OR6Y1: variants seen among roughly 807,000 people sequenced by gnomAD.
OR6Y1 encodes the protein olfactory receptor 6Y1.
Under a neutral mutation model 0.4 loss-of-function variants are expected in OR6Y1, and 1 was observed. The ratio of observed to expected loss-of-function variants is 2.74; its 90% confidence interval spans 0.97 to 13.02. OR6Y1 has a LOEUF of 13.02. Ranked by LOEUF, OR6Y1 falls within the 30% of genes most tolerant of loss-of-function variation. The probability of loss-of-function intolerance (pLI) is 0.12; values close to 1 mark genes in which losing one functional copy is unlikely to be tolerated. For synonymous variants in OR6Y1, 173 were observed against 141.1 expected (o/e 1.23, Z -1.60); for missense variants, 480 against 399.8 (o/e 1.20, Z -1.71).
chr1:158,545,036 C>T lies in OR6Y1; in HGVS notation c.*2092G>A, dbSNP rs1647478981. 1 of 151,794 alleles carries T rather than the reference C, an allele frequency of 6.6e-6. No homozygotes were observed. The highest frequency in any genetic ancestry group is 2.4e-5 in the African/African-American group (1 of 41,330). 9.4% of individuals were successfully genotyped at this position (151,794 alleles called of 1,614,324 possible). A position where few individuals can be genotyped will look rare whatever the true frequency, so the allele number is the denominator to read the frequency against. On this transcript the variant is annotated 3_prime_UTR_variant, in exon 2 of 2. Transcript: ENST00000641622. ...CTTTATAGTAGAATGATTTATATTC[C>T]TTTAGGTATATACCCAGTAATGGGA... is the stretch of plus-strand genomic sequence containing the variant.
rs753729039 is a variant in OR6Y1, at chr1:158,547,777, A to G, written c.329T>C (p.Val110Ala). 8 of 1,613,538 alleles carry G rather than the reference A, an allele frequency of 5.0e-6. No homozygotes were observed. Among genetic ancestry groups the G allele is most frequent in the East Asian group, 2.2e-5 (1 of 44,872 alleles). Residue 110 changes from valine (V) to alanine (A), a missense_variant, in exon 2 of 2, where the codon GTG becomes GCG. Physicochemically the swap from Val to Ala is moderately conservative, Grantham distance 64 (BLOSUM62 0). Transcript: ENST00000641622. Reference sequence around the variant, plus strand: ...GATGTACTCAGTGCAGACAAAGGTCACAAAAAAGTAAAGTTGAGTCATGCA... The same window carrying G: ...GATGTACTCAGTGCAGACAAAGGTCGCAAAAAAGTAAAGTTGAGTCATGCA... Reference protein sequence around the residue: ...NGCMTQLYFFVTFVCTEYILL... With the variant: ...NGCMTQLYFFATFVCTEYILL...
rs149812123 is a variant in OR6Y1 at position 158,547,625 on chromosome 1, C to A, written c.481G>T (p.Ala161Ser). The change falls in exon 2 of 2, where the codon GCC (alanine) becomes TCC (serine). Residue 161 changes from alanine to serine, a missense_variant. Physicochemically the swap from Ala to Ser is moderately conservative, Grantham distance 99. Transcript: ENST00000641622. The part of the protein sequence containing the change: ...GGCWFCGLMT[A>S]MIKMVFIAQL... ...GCTATAAAAACCATCTTAATCATGG[C>A]AGTCATGAGTCCACAGAACCAGCAT... 435 of 1,613,172 alleles carry A rather than the reference C, an allele frequency of 2.7e-4. No individual in the cohort carries two copies. Among genetic ancestry groups the A allele is most frequent in the Non-Finnish European group, 3.5e-4 (412 of 1,179,908 alleles).
chr1:158,551,992 T>C (rs529588373), intron 1 of OR6Y1, among the ~76,000 whole-genome samples: 54 of 152,190 alleles, frequency 3.5e-4, no homozygotes, highest in Admixed American at 2.6e-3. Flanking sequence ...AAACTTTTGA[T>C]TTGGGAGATG....
chr1:158,547,339 A>C lies in OR6Y1; in HGVS notation c.767T>G (p.Phe256Cys), dbSNP rs753435506. ...ATAGGTGAAAAGTGTCATGGAATAG[A>C]AGAGAATTACGACGGTCAGGTGGGA... ...CASHLTVVIL[F>C]YSMTLFTYAR... The change falls in exon 2 of 2, where the codon TTC becomes TGC. Residue 256 changes from phenylalanine (F) to cysteine (C), a missense_variant. Phe to Cys is a radical substitution (Grantham distance 205). Transcript: ENST00000641622. 6.2e-7 allele frequency: 1 copy of C among 1,613,552 alleles called. No homozygotes were observed. The highest frequency in any genetic ancestry group is 8.5e-7 in the Non-Finnish European group (1 of 1,179,992).
chr1:158,553,203 G>C (rs957382308), intron 1 of OR6Y1, among the ~76,000 whole-genome samples: 6 of 152,102 alleles, frequency 3.9e-5, no homozygotes, highest in African/African-American at 1.4e-4. Context: ...TCTCACTTGG[G>C]TATGATTAAT....
chr1:158,545,842 A>G lies in OR6Y1; in HGVS notation c.*1286T>C, dbSNP rs1320505410. 6.6e-6 allele frequency: 1 copy of G among 152,158 alleles called. No individual in the cohort carries two copies. Among genetic ancestry groups the G allele is most frequent in the Non-Finnish European group, 1.5e-5 (1 of 68,022 alleles). The allele number at this position is 152,158 out of a possible 1,614,324, so 9.4% of individuals were successfully genotyped here. On this transcript the variant is annotated 3_prime_UTR_variant, in exon 2 of 2. Transcript: ENST00000641622. ...TTTGTTTTTTAATATCTTTTTAAAAATTGCTGAGGTTTATTGGCTCCAGTA... is the reference window on the plus strand; with the variant it reads ...TTTGTTTTTTAATATCTTTTTAAAAGTTGCTGAGGTTTATTGGCTCCAGTA...
intron 1 of OR6Y1, among the ~76,000 whole-genome samples, chr1:158,551,914 A>G (rs989115507): frequency 6.7e-6 from 1 of 148,982 alleles, no homozygotes; most frequent in Non-Finnish European, 1.5e-5. Context: ...ATTCACCCAG[A>G]CTTTGCCTGA....
intron 1 of OR6Y1, among the ~76,000 whole-genome samples, chr1:158,553,937 A>C (rs577961654): frequency 6.7e-4 from 102 of 152,310 alleles, no homozygotes; most frequent in African/African-American, 2.3e-3. Flanking sequence ...AAATGACATG[A>C]GAATCCATAT....
rs1647520674 is a variant in OR6Y1, at chr1:158,546,049, T to G, written c.*1079A>C. 6.6e-6 allele frequency: 1 copy of G among 152,242 alleles called. No individual in the cohort carries two copies. Among genetic ancestry groups the G allele is most frequent in the Admixed American group, 6.5e-5 (1 of 15,276 alleles). 9.4% of individuals were successfully genotyped at this position (152,242 alleles called of 1,614,324 possible). ...TGCCAGCAATACTTCTTCCTTAGCTTATAGATGCATTACTGCAGAAACATG... is the reference window on the plus strand; with the variant it reads ...TGCCAGCAATACTTCTTCCTTAGCTGATAGATGCATTACTGCAGAAACATG... On this transcript the variant is annotated 3_prime_UTR_variant, in exon 2 of 2. Transcript: ENST00000641622.
chr1:158,547,361 G>T lies in OR6Y1; in HGVS notation c.745C>A (p.His249Asn). The change falls in exon 2 of 2, where the codon CAC becomes AAC. Residue 249 changes from histidine (H) to asparagine (N), a missense_variant. His to Asn is a moderately conservative substitution (Grantham distance 68, BLOSUM62 1). Coordinates refer to ENST00000641622, the MANE Select transcript of OR6Y1 (RefSeq NM_001005189.2). ...RQKAFSTCASHLTVVILFYSM... is the reference protein window; with the variant it reads ...RQKAFSTCASNLTVVILFYSM... The stretch of plus-strand genomic sequence containing the variant: ...TAGAAGAGAATTACGACGGTCAGGT[G>T]GGAGGCACAGGTGGAGAATGCCTTT... 1 of 1,613,552 alleles carries T rather than the reference G, an allele frequency of 6.2e-7. No homozygotes were observed. The highest frequency in any genetic ancestry group is 8.5e-7 in the Non-Finnish European group (1 of 1,179,982).
chr1:158,551,712 G>T (rs569554317), intron 1 of OR6Y1, among the ~76,000 whole-genome samples: 1 of 150,110 alleles, frequency 6.7e-6, no homozygotes, highest in South Asian at 2.1e-4. Context: ...ATATATTTTA[G>T]CTTTCACAAT....
Position 158,545,184 on chromosome 1 carries a change from C to T in OR6Y1, c.*1944G>A, listed in dbSNP as rs1201420298. 2 of 152,028 alleles carry T rather than the reference C, an allele frequency of 1.3e-5. No individual in the cohort carries two copies. Among genetic ancestry groups the T allele is most frequent in the East Asian group, 1.9e-4 (1 of 5,158 alleles). The allele number at this position is 152,028 out of a possible 1,614,324, so 9.4% of individuals were successfully genotyped here. On this transcript the variant is annotated 3_prime_UTR_variant, in exon 2 of 2. Transcript: ENST00000641622. The stretch of plus-strand genomic sequence containing the variant: ...AATACGTGTTCCTTTTTCTCCACAA[C>T]CTCACCAGCATCTGTTATTTTTTTA...
rs1451540215 is a variant in OR6Y1 at position 158,547,955 on chromosome 1, T to C, written c.151A>G (p.Ile51Val). Reference protein sequence around the residue: ...LLTLLENLLIILAIHSDGQLH... With the variant: ...LLTLLENLLIVLAIHSDGQLH... Reference sequence around the variant, plus strand: ...TGCCCATCACTGTGGATAGCTAAGATGATAAGAAGATTCTCCAGCAGTGTC... The same window carrying C: ...TGCCCATCACTGTGGATAGCTAAGACGATAAGAAGATTCTCCAGCAGTGTC... The change falls in exon 2 of 2, where the codon ATC becomes GTC. Residue 51 changes from isoleucine to valine, a missense_variant. Physicochemically the swap from Ile to Val is conservative, Grantham distance 29. Transcript: ENST00000641622. 18 of 1,613,360 alleles carry C rather than the reference T, an allele frequency of 1.1e-5. No homozygotes were observed. The highest frequency in any genetic ancestry group is 1.5e-5 in the Non-Finnish European group (18 of 1,179,986).
At chr1:158,551,129 T>A (rs1343567487) in intron 1 of OR6Y1, among the ~76,000 whole-genome samples, 1 of 151,732 alleles carries the variant, frequency 6.6e-6, no homozygotes. Flanking sequence ...GGCTTTTTTT[T>A]TTTCTTCTGA....
In OR6Y1 at chr1:158,545,065, C is replaced by T. The variant is rs938835656; in HGVS notation, c.*2063G>A. ...AGGTATATACCCAGTAATGGGATTG[C>T]TGGGTCAAATGGTATTTCTGTTTTT... On this transcript the variant is annotated 3_prime_UTR_variant, in exon 2 of 2. Coordinates refer to ENST00000641622, the MANE Select transcript of OR6Y1 (RefSeq NM_001005189.2). The T allele has an allele frequency of 2.6e-5, 4 of 151,920 alleles. No homozygotes were observed. Among genetic ancestry groups the T allele is most frequent in the African/African-American group, 4.8e-5 (2 of 41,318 alleles). 9.4% of individuals were successfully genotyped at this position (151,920 alleles called of 1,614,324 possible).
At position 158,548,433 on chromosome 1, in the gene OR6Y1, C is replaced by T. The variant is rs79403312; in HGVS notation, c.-328G>A. 6,649 of 199,014 alleles carry T rather than the reference C, an allele frequency of 0.033. 345 individuals are homozygous for T. Among genetic ancestry groups the T allele is most frequent in the African/African-American group, 0.094 (3,949 of 42,102 alleles). The allele number at this position is 199,014 out of a possible 1,614,324, so 12.3% of individuals were successfully genotyped here. On this transcript the variant is annotated 5_prime_UTR_variant, in exon 2 of 2. Coordinates refer to ENST00000641622, the MANE Select transcript of OR6Y1 (RefSeq NM_001005189.2). ...TTGGGCACATAAATGGTCTCCAGAC[C>T]ACCCTTTCACTACAGGCAAAACATC... is the stretch of plus-strand genomic sequence containing the variant.
rs1310171255 is a variant in OR6Y1 at position 158,547,688 on chromosome 1, T to C, written c.418A>G (p.Ile140Val). The C allele has an allele frequency of 3.1e-6, 5 of 1,613,446 alleles. No homozygotes were observed. In the African/African-American group the frequency reaches 6.7e-5, roughly 22 times the overall value. ...AICNPLRYPV[I>V]MTNQLCGTLA... ...GTGCCACAGAGCTGGTTGGTCATGA[T>C]GACTGGGTAGCGTAGTGGATTACAA... is the stretch of plus-strand genomic sequence containing the variant. The change falls in exon 2 of 2, where the codon ATC becomes GTC. Residue 140 changes from isoleucine (I) to valine (V), a missense_variant. Coordinates refer to ENST00000641622, the MANE Select transcript of OR6Y1 (RefSeq NM_001005189.2).
Position 158,549,720 on chromosome 1 carries a change from A to G in OR6Y1, c.-1432-183T>C, listed in dbSNP as rs559255950. Among the ~76,000 whole-genome samples the G allele has an allele frequency of 5.5e-4, 83 of 151,746 alleles. 1 individual carries two copies. Among genetic ancestry groups the G allele is most frequent in the African/African-American group, 2.0e-3 (81 of 41,132 alleles). On this transcript the variant is annotated intron_variant, in intron 1 of 1. Transcript: ENST00000641622. ...CAAACACACACACAGTCAACACAAAACTTGTCCTTGCTCATTGCAGCTTGG... is the reference window on the plus strand; with the variant it reads ...CAAACACACACACAGTCAACACAAAGCTTGTCCTTGCTCATTGCAGCTTGG...
Position 158,547,914 on chromosome 1 carries a change from C to T in OR6Y1, c.192G>A (p.Met64Ile). The change falls in exon 2 of 2, where the codon ATG becomes ATA. Residue 64 changes from methionine (M) to isoleucine (I), a missense_variant. Met to Ile is a conservative substitution (Grantham distance 10, BLOSUM62 1). Transcript: ENST00000641622. ...AGGAGAGGTGGCTCAAGAAGAAGTACATGGGCTTATGCAGCTGCCCATCAC... is the reference window on the plus strand; with the variant it reads ...AGGAGAGGTGGCTCAAGAAGAAGTATATGGGCTTATGCAGCTGCCCATCAC... ...IHSDGQLHKPMYFFLSHLSFL... is the reference protein window; with the variant it reads ...IHSDGQLHKPIYFFLSHLSFL... 2.5e-6 allele frequency: 4 copies of T among 1,613,468 alleles called. No homozygotes were observed. The highest frequency in any genetic ancestry group is 2.5e-6 in the Non-Finnish European group (3 of 1,179,966).
Sources: gnomAD v4.1 joint callset for allele counts (sites outside exome capture counted in the v4.1 genomes callset) on GRCh38, gnomAD v4.1.1 for gene constraint, MANE v1.5 for transcripts, NCBI Gene and HGNC (gene_info 2026-07-23, HGNC 2026-07-21) for gene names.